Variants in DNAI4 observed in about 807,000 individuals in gnomAD.
DNAI4 encodes the protein WD repeat domain 78.
A neutral mutation model predicts 105.8 loss-of-function variants in DNAI4; 85 were observed. The observed-to-expected ratio is 0.80, with a 90% CI of 0.67 to 0.96. DNAI4 has a LOEUF of 0.96. DNAI4 is among the 40% of genes least tolerant of loss of function. The probability of loss-of-function intolerance (pLI) is 0.00; values close to 1 mark genes in which losing one functional copy is unlikely to be tolerated. For synonymous variants in DNAI4, 352 were observed against 331.5 expected, an observed-to-expected ratio of 1.06 and a Z score of -0.67; for missense variants, 1,014 against 1,005.6, an observed-to-expected ratio of 1.01 and a Z score of -0.11.
chr1:66,835,428 G>A (rs1645963505), intron 11 of DNAI4, among the ~76,000 whole-genome samples, 198 bp downstream of exon 11: 2 of 152,138 alleles, frequency 1.3e-5, no homozygotes, highest in African/African-American at 4.8e-5. Flanking sequence ...TAGTGAGATG[G>A]GCAGAGAAGA....
intron 15 of DNAI4, among the ~76,000 whole-genome samples, chr1:66,825,347 T>A (rs1645730205): frequency 6.7e-6 from 1 of 150,002 alleles, no homozygotes; most frequent in South Asian, 2.1e-4. Flanking sequence ...GCCCGGCTAA[T>A]TTTTTTTGTA....
intron 4 of DNAI4, among the ~76,000 whole-genome samples, chr1:66,889,104 T>G (rs2100750188): frequency 6.6e-6 from 1 of 152,266 alleles, no homozygotes; most frequent in Admixed American, 6.5e-5. Flanking sequence ...ATTGGTTAGG[T>G]TTTTATTCCA....
At chr1:66,879,836 GT>G (rs908434113) in intron 4 of DNAI4, among the ~76,000 whole-genome samples, 3 of 152,002 alleles carry the variant, frequency 2.0e-5, no homozygotes, top group Admixed American at 1.3e-4. Context: ...TTGATGAAGT[GT>G]TTGTTCCTAT....
Position 66,916,009 on chromosome 1 carries a change from T to TA in DNAI4, c.170+8652dup, listed in dbSNP as rs982895306. 5.4e-5 allele frequency among the ~76,000 whole-genome samples: 8 copies of TA among 148,386 alleles called. No homozygotes were observed. In the Admixed American group the frequency reaches 5.5e-4, roughly 10 times the overall value. On this transcript the variant is annotated intron_variant, in intron 1 of 16. Coordinates refer to ENST00000371026, the MANE Select transcript of DNAI4 (RefSeq NM_024763.5). Reference sequence around the variant, plus strand: ...TGGTGGTGTGCACCTATAATCCATCTACCTGGGAGACTGAGAAAGGAGAAT... The same window carrying TA: ...TGGTGGTGTGCACCTATAATCCATCTAACCTGGGAGACTGAGAAAGGAGAAT...
intron 3 of DNAI4, 150 bp downstream of exon 3, chr1:66,893,077 GAA>G (rs1557965477): frequency 2.4e-4 from 87 of 367,662 alleles, no homozygotes; most frequent in African/African-American, 1.8e-3. Context: ...AAGAAAGAAA[GAA>G]AGAAAGAAAG....
rs551295643 is a variant in DNAI4, at chr1:66,904,038, T to C, written c.345+1163A>G. Among the ~76,000 whole-genome samples the C allele has an allele frequency of 9.2e-5, 14 of 151,870 alleles. No individual in the cohort carries two copies. In the South Asian group the frequency reaches 2.9e-3, roughly 31 times the overall value. ...TTGTGTGTGTATATATACATATGCA[T>C]ATATATTTAAATGCATGTATTCATA... On this transcript the variant is annotated intron_variant, in intron 2 of 16. Coordinates refer to ENST00000371026, the MANE Select transcript of DNAI4 (RefSeq NM_024763.5).
chr1:66,859,921 T>C (rs1387028325), intron 7 of DNAI4, among the ~76,000 whole-genome samples: 1 of 152,074 alleles, frequency 6.6e-6, no homozygotes, highest in East Asian at 1.9e-4. Flanking sequence ...TTTGTTAAAA[T>C]ACAAAGAACT....
chr1:66,814,412 A>G (rs1452794281), intron 16 of DNAI4, among the ~76,000 whole-genome samples: 1 of 151,992 alleles, frequency 6.6e-6, no homozygotes, highest in Non-Finnish European at 1.5e-5. Context: ...CTCTGTCGCC[A>G]GGCTGGAGTG....
intron 15 of DNAI4, 78 bp from the exon 16 acceptor site, chr1:66,822,595 A>T (rs1407717336): frequency 1.6e-6 from 2 of 1,259,208 alleles, no homozygotes; most frequent in East Asian, 2.7e-5. Context: ...AAAATTTGAC[A>T]TTTTTTAAAT....
In DNAI4 at chr1:66,835,780, A is replaced by G. The variant is rs1272328400; in HGVS notation, c.1582-3T>C. The G allele has an allele frequency of 4.3e-6, 7 of 1,612,898 alleles. No individual in the cohort carries two copies. Among genetic ancestry groups the G allele is most frequent in the Non-Finnish European group, 5.9e-6 (7 of 1,179,506 alleles). ...CTCTGATAAATACGTTCTGGCCACT[A>G]AATTTTAAAAAATTACATTTTCAAT... On this transcript the variant is annotated splice_polypyrimidine_tract_variant and splice_region_variant and intron_variant, in intron 10 of 16. Transcript: ENST00000371026.
chr1:66,905,407 G>T, intron 1 of DNAI4, 32 bp from the exon 2 acceptor site: 1 of 1,344,030 alleles, frequency 7.4e-7, no homozygotes, highest in East Asian at 2.6e-5. Flanking sequence ...TAATGCAAAG[G>T]ATTCAAGATT....
chr1:66,917,424 G>A (rs777036292), intron 1 of DNAI4, among the ~76,000 whole-genome samples: 86 of 152,116 alleles, frequency 5.7e-4, no homozygotes, highest in Non-Finnish European at 1.6e-4. Flanking sequence ...TTAAATGCAA[G>A]TTTCTGATAA....
intron 3 of DNAI4, among the ~76,000 whole-genome samples, chr1:66,892,996 AGAGAGAAAGAGAGAGAG>A (rs1189631375): frequency 3.5e-5 from 4 of 114,564 alleles, no homozygotes; most frequent in Admixed American, 8.0e-5. Flanking sequence ...AAAGAAAGAA[AGAGAGAAAGAGAGAGAG>A]GAAAGAAAGA....
At position 66,813,080 on chromosome 1, in the gene DNAI4, G is replaced by T. The variant is rs1645448981; in HGVS notation, c.*1050C>A. On this transcript the variant is annotated 3_prime_UTR_variant, in exon 17 of 17. Coordinates refer to ENST00000371026, the MANE Select transcript of DNAI4 (RefSeq NM_024763.5). ...TTTAAGGGATTGGTCCAAACAAATG[G>T]AGTTTATGAAGCAATGGATACTTGT... 6.6e-6 allele frequency: 1 copy of T among 152,302 alleles called. No homozygotes were observed. The highest frequency in any genetic ancestry group is 1.5e-5 in the Non-Finnish European group (1 of 68,030). 9.4% of individuals were successfully genotyped at this position (152,302 alleles called of 1,614,324 possible). A position where few individuals can be genotyped will look rare whatever the true frequency, so the allele number is the denominator to read the frequency against.
At position 66,826,845 on chromosome 1, in the gene DNAI4, C is replaced by G; in HGVS notation, c.2314G>C (p.Glu772Gln). 1 of 1,614,050 alleles carries G rather than the reference C, an allele frequency of 6.2e-7. No individual in the cohort carries two copies. The highest frequency in any genetic ancestry group is 8.5e-7 in the Non-Finnish European group (1 of 1,180,002). Residue 772 changes from glutamate (E) to glutamine (Q), a missense_variant, in exon 15 of 17, where the codon GAG becomes CAG. By Grantham distance (29) the Glu-to-Gln change is conservative. Transcript: ENST00000371026. ...IFAAANENRVEIWDLHISTLD... is the reference protein window; with the variant it reads ...IFAAANENRVQIWDLHISTLD... ...GTGCTGATATGAAGGTCCCAAATCT[C>G]CACCCTGTTCTCATTTGCAGCTGCA... is the stretch of plus-strand genomic sequence containing the variant.
intron 3 of DNAI4, among the ~76,000 whole-genome samples, chr1:66,893,009 G>A (rs539179042): frequency 1.9e-5 from 2 of 103,274 alleles, no homozygotes; most frequent in Admixed American, 9.3e-5. Context: ...GAGAAAGAGA[G>A]AGAGGAAAGA....
Position 66,856,144 on chromosome 1 carries a change from C to A in DNAI4, c.1096+6003G>T, listed in dbSNP as rs184627868. On this transcript the variant is annotated intron_variant, in intron 7 of 16. Transcript: ENST00000371026. ...ACCACCACACCTGGCAAAAGATACA[C>A]TTGAATATCACCAGCAATCAACTGG... is the stretch of plus-strand genomic sequence containing the variant. Among the ~76,000 whole-genome samples the A allele has an allele frequency of 6.6e-4, 99 of 150,978 alleles. 3 individuals carry two copies. Among genetic ancestry groups the A allele is most frequent in the African/African-American group, 2.4e-3 (97 of 41,206 alleles).
At chr1:66,822,565 G>A (rs758985399) in intron 15 of DNAI4, 48 bp from the exon 16 acceptor site, 2 of 1,416,850 alleles carry the variant, frequency 1.4e-6, no homozygotes, top group Non-Finnish European at 1.9e-6. Context: ...TATTAATATG[G>A]TCTTTTAAAT....
At chr1:66,909,674 T>C (rs1649517807) in intron 1 of DNAI4, among the ~76,000 whole-genome samples, 3 of 152,010 alleles carry the variant, frequency 2.0e-5, no homozygotes, top group Admixed American at 2.0e-4. Context: ...TATCTCTAAC[T>C]AGACCTCTCC....
Sources: gnomAD v4.1 joint callset for allele counts (sites outside exome capture counted in the v4.1 genomes callset) on GRCh38, gnomAD v4.1.1 for gene constraint, MANE v1.5 for transcripts, NCBI Gene and HGNC (gene_info 2026-07-23, HGNC 2026-07-21) for gene names.